Variants in UBTF observed in about 807,000 individuals in gnomAD.
The protein encoded by UBTF is upstream binding transcription factor, also known as nucleolar transcription factor 1.
Under a neutral mutation model 112.3 loss-of-function variants are expected in UBTF, and 8 were observed. The ratio of observed to expected loss-of-function variants is 0.07; its 90% CI spans 0.04 to 0.13. The LOEUF is 0.13. Among genes scored for constraint, UBTF ranks in the 10% least tolerant of loss-of-function variants. The pLI is 1.00. For synonymous variants in UBTF, 417 were observed against 373.1 expected (o/e 1.12, Z -1.36); for missense variants, 457 against 982.1 (o/e 0.47, Z 7.15).
chr17:44,210,834 G>T lies in UBTF; in HGVS notation c.1317C>A (p.Arg439=). The change falls in exon 13 of 21, where the codon CGC becomes CGA. Residue 439 remains arginine (R), a synonymous_variant. Transcript: ENST00000436088. ...RPELSESELT[R]LLARMWNDLS... Reference sequence around the variant, plus strand: ...GGTCGTTCCACATTCGGGCCAGCAGGCGGGTCAGCTCGCTCTCGGAGAGCT... The same window carrying T: ...GGTCGTTCCACATTCGGGCCAGCAGTCGGGTCAGCTCGCTCTCGGAGAGCT... The T allele has an allele frequency of 6.4e-7, 1 of 1,569,240 alleles. No homozygotes were observed. The highest frequency in any genetic ancestry group is 8.6e-7 in the Non-Finnish European group (1 of 1,156,394).
Position 44,211,017 on chromosome 17 carries a change from C to T in UBTF, c.1203+22G>A, listed in dbSNP as rs764393581. Reference sequence around the variant, plus strand: ...GCCCAGTCTTGCCCACCCCCGCCTGCGCGGCCGCACCCTCTGCCCACCTTG... The same window carrying T: ...GCCCAGTCTTGCCCACCCCCGCCTGTGCGGCCGCACCCTCTGCCCACCTTG... On this transcript the variant is annotated intron_variant, in intron 12 of 20. Transcript: ENST00000436088. This position sits in a 1 kb window ranked among gnomAD's most constrained non-coding sequence, Gnocchi z 4.9. The T allele has an allele frequency of 3.7e-6, 6 of 1,604,384 alleles. No individual in the cohort carries two copies. Among genetic ancestry groups the T allele is most frequent in the South Asian group, 1.1e-5 (1 of 90,188 alleles).
chr17:44,212,001 G>A lies in UBTF; in HGVS notation c.777C>T (p.Ile259=), dbSNP rs934607086. Residue 259 remains isoleucine (I), a synonymous_variant, in exon 9 of 21, where the codon ATC becomes ATT. Coordinates refer to ENST00000436088, the MANE Select transcript of UBTF (RefSeq NM_014233.4). ...ALEQRKEYEE[I]MRDYIQKHPE... ...GGTGCTTCTGGATATAGTCTCTCAT[G>A]ATCTCCTGCAGAGCCAGGTGGGGGG... is the stretch of plus-strand genomic sequence containing the variant. 1.9e-6 allele frequency: 3 copies of A among 1,612,688 alleles called. No homozygotes were observed. The highest frequency in any genetic ancestry group is 1.7e-6 in the Non-Finnish European group (2 of 1,179,514).
chr17:44,212,329 C>A lies in UBTF; in HGVS notation c.771+15G>T, dbSNP rs1395637577. On this transcript the variant is annotated intron_variant, in intron 8 of 20. Coordinates refer to ENST00000436088, the MANE Select transcript of UBTF (RefSeq NM_014233.4). ...GTGAAGAGCCGGACGGGGAGGAGCG[C>A]AGCGGAAGCCTAACCTCGTACTCCT... 8 of 1,604,534 alleles carry A rather than the reference C, an allele frequency of 5.0e-6. No individual in the cohort carries two copies. In the Admixed American group the frequency reaches 5.0e-5, roughly 10 times the overall value.
Position 44,209,436 on chromosome 17 carries a change from G to A in UBTF, c.1821C>T (p.Ile607=), listed in dbSNP as rs1567791300. The part of the protein sequence containing the change: ...MVEIGSRWQR[I]SQSQKEHYKK... Reference sequence around the variant, plus strand: ...TGTAGTGCTCCTTCTGGCTCTGGGAGATGCGCTGCCAGCGACTGCCGATCT... The same window carrying A: ...TGTAGTGCTCCTTCTGGCTCTGGGAAATGCGCTGCCAGCGACTGCCGATCT... Residue 607 remains isoleucine, a synonymous_variant, in exon 17 of 21, where the codon ATC becomes ATT. Coordinates refer to ENST00000436088, the MANE Select transcript of UBTF (RefSeq NM_014233.4). 6.2e-7 allele frequency: 1 copy of A among 1,614,202 alleles called. No individual in the cohort carries two copies. The highest frequency in any genetic ancestry group is 8.5e-7 in the Non-Finnish European group (1 of 1,180,016).
At chr17:44,218,453 C>T in intron 1 of UBTF, 157 bp from the exon 2 acceptor site, 1 of 525,688 alleles carries the variant, frequency 1.9e-6, no homozygotes, top group Non-Finnish European at 3.3e-6. Context: ...GGAGTGCGCC[C>T]CTCCTCTTCC....
chr17:44,217,605 G>A (rs919215108), intron 2 of UBTF, among the ~76,000 whole-genome samples: 2 of 152,138 alleles, frequency 1.3e-5, no homozygotes, highest in Non-Finnish European at 2.9e-5. Context: ...GGGCCACGTG[G>A]ACCCATAATC....
At chr17:44,209,172 A>AT (rs1204169279) in intron 17 of UBTF, 180 bp downstream of exon 17, 1 of 592,608 alleles carries the variant, frequency 1.7e-6, no homozygotes, top group Non-Finnish European at 2.6e-6. Flanking sequence ...GTCTCAAAAA[A>AT]TAAAAAAAAA....
chr17:44,212,294 G>GCAGAGGCTC (rs763753629), intron 8 of UBTF, 50 bp downstream of exon 8: 1 of 1,513,352 alleles, frequency 6.6e-7, no homozygotes, highest in Non-Finnish European at 9.1e-7. Flanking sequence ...GAGTCGGAGG[G>GCAGAGGCTC]CAGAGGCTCG....
intron 8 of UBTF, 22 bp from the exon 9 acceptor site, chr17:44,212,028 C>CG (rs775264181): frequency 8.3e-6 from 12 of 1,443,000 alleles, no homozygotes; most frequent in African/African-American, 1.5e-5. Context: ...GGTGGGGGGA[C>CG]GGAGGGCAAT....
At chr17:44,220,811 C>G (rs1181076456), upstream of UBTF, 1 of 152,146 alleles carries the variant, frequency 6.6e-6, no homozygotes, top group African/African-American at 2.4e-5. Context: ...AGCCGCAGCT[C>G]CGCTGCAGCC....
intron 13 of UBTF, 22 bp from the exon 14 acceptor site, chr17:44,210,495 C>T: frequency 1.9e-6 from 3 of 1,569,712 alleles, no homozygotes; most frequent in African/African-American, 1.4e-5. Flanking sequence ...GCCCGGGCGT[C>T]AGCCTTCCAC....
chr17:44,212,572 C>T, intron 7 of UBTF, 118 bp from the exon 8 acceptor site: 1 of 1,034,036 alleles, frequency 9.7e-7, no homozygotes, highest in Non-Finnish European at 1.4e-6. Context: ...CATCAGTGTC[C>T]CCCACAGGCC....
rs2046816260 is a variant in UBTF, at chr17:44,215,823, C to T, written c.319-14G>A. On this transcript the variant is annotated splice_polypyrimidine_tract_variant and intron_variant, in intron 4 of 20. Coordinates refer to ENST00000436088, the MANE Select transcript of UBTF (RefSeq NM_014233.4). ...GTCTGGGTGTTTCTGGAAGAAGGGA[C>T]AAGGACACAATGGAGGTCAAATACA... is the stretch of plus-strand genomic sequence containing the variant. 1 of 1,613,966 alleles carries T rather than the reference C, an allele frequency of 6.2e-7. No homozygotes were observed. Among genetic ancestry groups the T allele is most frequent in the Admixed American group, 1.7e-5 (1 of 59,990 alleles).
At chr17:44,210,702 G>A (rs1229053464) in intron 13 of UBTF, 90 bp downstream of exon 13, 9 of 1,509,780 alleles carry the variant, frequency 6.0e-6, no homozygotes, top group African/African-American at 4.2e-5. Flanking sequence ...TGGCTCAGGC[G>A]GCCAGGGGCG....
Position 44,211,087 on chromosome 17 carries a change from C to T in UBTF, c.1155G>A (p.Lys385=), listed in dbSNP as rs1031098249. 3.1e-6 allele frequency: 5 copies of T among 1,613,054 alleles called. No homozygotes were observed. Among genetic ancestry groups the T allele is most frequent in the Non-Finnish European group, 4.2e-6 (5 of 1,179,982 alleles). The change falls in exon 12 of 21, where the codon AAG becomes AAA. Residue 385 remains lysine (K), a synonymous_variant. Coordinates refer to ENST00000436088, the MANE Select transcript of UBTF (RefSeq NM_014233.4). The surrounding 1 kb of genome is among the most constrained non-coding windows in gnomAD (Gnocchi z 4.9). The stretch of plus-strand genomic sequence containing the variant: ...TCTTGGAGGCGGGGCTGGTGGCCTG[C>T]TTCTTGTTGATGTTCAGCATCTTCT... The part of the protein sequence containing the change: ...GEEKMLNINK[K]QATSPASKKP...
intron 12 of UBTF, 35 bp from the exon 13 acceptor site, chr17:44,210,982 C>T (rs754184011): frequency 6.2e-7 from 1 of 1,600,254 alleles, no homozygotes; most frequent in Non-Finnish European, 8.5e-7. Context: ...TCCGTGGGTG[C>T]TGCCAGGGAG....
upstream of UBTF, among the ~76,000 whole-genome samples, chr17:44,220,096 G>T (rs1240734858): frequency 1.6e-5 from 2 of 125,824 alleles, no homozygotes; most frequent in Non-Finnish European, 3.4e-5. Flanking sequence ...GGGGGGGGGG[G>T]CCGGGGCAGG....
rs765478029 is a variant in UBTF, at chr17:44,210,250, G to A, written c.1516-16C>T. 17 of 1,614,112 alleles carry A rather than the reference G, an allele frequency of 1.1e-5. No homozygotes were observed. Among genetic ancestry groups the A allele is most frequent in the African/African-American group, 6.7e-5 (5 of 74,932 alleles). ...CCCGGTCATTCTGGGGACCAATAAGGGTATCAGCCGTGGGAGGGGTCACCC... is the reference window on the plus strand; with the variant it reads ...CCCGGTCATTCTGGGGACCAATAAGAGTATCAGCCGTGGGAGGGGTCACCC... On this transcript the variant is annotated splice_polypyrimidine_tract_variant and intron_variant, in intron 14 of 20. Coordinates refer to ENST00000436088, the MANE Select transcript of UBTF (RefSeq NM_014233.4).
chr17:44,220,535 C>A (rs1434178004), upstream of UBTF, among the ~76,000 whole-genome samples: 13 of 151,240 alleles, frequency 8.6e-5, no homozygotes, highest in Non-Finnish European at 8.9e-5. Context: ...AAAACCTCTG[C>A]ATTAAAAAAA....
Sources: gnomAD v4.1 joint callset for allele counts (sites outside exome capture counted in the v4.1 genomes callset) on GRCh38, gnomAD v4.1.1 for gene constraint, Gnocchi (gnomAD v3.1) non-coding constraint, MANE v1.5 for transcripts, NCBI Gene and HGNC (gene_info 2026-07-23, HGNC 2026-07-21) for gene names.